XRN1: variants seen among roughly 807,000 people sequenced by gnomAD.
XRN1 encodes the protein 5'-3' exoribonuclease 1.
A neutral mutation model predicts 222.3 loss-of-function variants in XRN1; 67 were observed. The ratio of observed to expected loss-of-function variants is 0.30; its 90% CI spans 0.25 to 0.37. The LOEUF is 0.37. Ranked by LOEUF, XRN1 falls within the 10% of genes least tolerant of loss-of-function variation. The probability of loss-of-function intolerance (pLI) is 1.00; values close to 1 mark genes in which losing one functional copy is unlikely to be tolerated. For missense variants in XRN1, 1,707 were observed against 2,000.2 expected (o/e 0.85, Z 2.80); for synonymous variants, 643 against 652.4 (o/e 0.99, Z 0.22).
At position 142,375,952 on chromosome 3, in the gene XRN1, T is replaced by G; in HGVS notation, c.2832-8A>C. On this transcript the variant is annotated splice_polypyrimidine_tract_variant and splice_region_variant and intron_variant, in intron 24 of 40. Transcript: ENST00000392981. ...TTATGGTCTCCATGAGGGCTGAATT[T>G]AAACCACACATGCGCACACGTGCAC... 6.2e-7 allele frequency: 1 copy of G among 1,608,034 alleles called. No homozygotes were observed. The highest frequency in any genetic ancestry group is 1.7e-5 in the Admixed American group (1 of 59,048).
intron 36 of XRN1, among the ~76,000 whole-genome samples, chr3:142,331,749 C>T (rs1429114940): frequency 6.6e-6 from 1 of 152,078 alleles, no homozygotes; most frequent in Admixed American, 6.6e-5. Flanking sequence ...GACTGTAGAT[C>T]TATTGGTTAC....
intron 32 of XRN1, 150 bp downstream of exon 32, chr3:142,355,251 T>TA (rs1351523198): frequency 2.4e-6 from 1 of 420,288 alleles, no homozygotes. Flanking sequence ...GTTGAAATTA[T>TA]TTAAAAAAAG....
intron 39 of XRN1, among the ~76,000 whole-genome samples, chr3:142,317,900 CTT>C (rs1353344518): frequency 1.4e-5 from 2 of 144,566 alleles, no homozygotes; most frequent in African/African-American, 5.3e-5. Flanking sequence ...AACACAAACT[CTT>C]TTCAAATCTC....
intron 23 of XRN1, among the ~76,000 whole-genome samples, chr3:142,377,698 T>G (rs1390847410): frequency 1.3e-5 from 2 of 152,190 alleles, no homozygotes; most frequent in Non-Finnish European, 1.5e-5. Context: ...ATAAAATAAG[T>G]AGCTGAGAAT....
At chr3:142,380,269 A>G (rs781384225) in intron 22 of XRN1, 89 bp from the exon 23 acceptor site, 44 of 1,089,106 alleles carry the variant, frequency 4.0e-5, no homozygotes, top group Non-Finnish European at 5.2e-5. Flanking sequence ...GAAATACAGT[A>G]TGACAAGTTG....
intron 4 of XRN1, 30 bp from the exon 5 acceptor site, chr3:142,425,362 A>C: frequency 1.3e-6 from 2 of 1,587,986 alleles, no homozygotes; most frequent in South Asian, 2.3e-5. Flanking sequence ...AAAATGCAGT[A>C]ATATGGTATA....
chr3:142,389,666 T>A (rs1222051089), intron 20 of XRN1, among the ~76,000 whole-genome samples: 1 of 152,100 alleles, frequency 6.6e-6, no homozygotes, highest in Admixed American at 6.5e-5. Context: ...ATTACAGGTG[T>A]CCGCCACCAC....
At chr3:142,346,400 G>C (rs2066143936) in intron 33 of XRN1, among the ~76,000 whole-genome samples, 1 of 151,972 alleles carries the variant, frequency 6.6e-6, no homozygotes, top group Non-Finnish European at 1.5e-5. Context: ...TGTAAATGCT[G>C]TGTAAATAGT....
At chr3:142,422,278 T>C (rs528415515) in intron 8 of XRN1, among the ~76,000 whole-genome samples, 2 of 152,262 alleles carry the variant, frequency 1.3e-5, no homozygotes, top group East Asian at 3.9e-4. Flanking sequence ...AACGTTGCAC[T>C]GTCGCCACTG....
At chr3:142,415,083 G>T (rs1244756555) in intron 13 of XRN1, among the ~76,000 whole-genome samples, 2 of 152,150 alleles carry the variant, frequency 1.3e-5, no homozygotes, top group Non-Finnish European at 2.9e-5. Context: ...TTACCAGTCA[G>T]ATCTAAGAAC....
chr3:142,372,577 T>G (rs1360253738), intron 25 of XRN1, among the ~76,000 whole-genome samples: 2 of 152,212 alleles, frequency 1.3e-5, no homozygotes, highest in African/African-American at 4.8e-5. Context: ...GATTGGGCAT[T>G]GATTTGCGGC....
At chr3:142,425,108 T>G in intron 5 of XRN1, 114 bp downstream of exon 5, 1 of 679,084 alleles carries the variant, frequency 1.5e-6, no homozygotes, top group Non-Finnish European at 2.3e-6. Flanking sequence ...GTAGCAATCA[T>G]TATTGTGTCT....
At chr3:142,424,963 C>A (rs538061614) in intron 5 of XRN1, among the ~76,000 whole-genome samples, 18 of 152,222 alleles carry the variant, frequency 1.2e-4, no homozygotes, top group African/African-American at 4.1e-4. Context: ...AGCCCCATTT[C>A]TCTGACCTTG....
chr3:142,335,514 A>G lies in XRN1; in HGVS notation c.3878-5T>C. 1 of 1,611,912 alleles carries G rather than the reference A, an allele frequency of 6.2e-7. No individual in the cohort carries two copies. The highest frequency in any genetic ancestry group is 1.7e-4 in the Middle Eastern group (1 of 6,046). On this transcript the variant is annotated splice_polypyrimidine_tract_variant and splice_region_variant and intron_variant, in intron 33 of 40. Transcript: ENST00000392981. The stretch of plus-strand genomic sequence containing the variant: ...GACTCTTACACTCTTCTTTAACTAG[A>G]GACAAGAAAACAGAAATTTTCATAA...
At chr3:142,329,698 A>G in intron 36 of XRN1, 83 bp from the exon 37 acceptor site, 13 of 1,346,310 alleles carry the variant, frequency 9.7e-6, no homozygotes, top group South Asian at 3.2e-5. Flanking sequence ...TTTATAGAAG[A>G]GCAAGCAGGA....
rs376344448 is a variant in XRN1 at position 142,418,858 on chromosome 3, C to G, written c.1197G>C (p.Trp399Cys). The G allele has an allele frequency of 1.9e-6, 3 of 1,613,954 alleles. No individual in the cohort carries two copies. Among genetic ancestry groups the G allele is most frequent in the Non-Finnish European group, 2.5e-6 (3 of 1,179,934 alleles). The change falls in exon 11 of 41, where the codon TGG (tryptophan) becomes TGC (cysteine). Residue 399 changes from tryptophan to cysteine, a missense_variant. Physicochemically the swap from Trp to Cys is radical, Grantham distance 215. Around this residue, in one of 2 missense-constraint regions of XRN1, gnomAD observed 1,234 missense variants for 1,518.2 expected, o/e 0.81. Coordinates refer to ENST00000392981, the MANE Select transcript of XRN1 (RefSeq NM_001282857.2). ...KLKGQENSLCWTALDKNEGEM... is the reference protein window; with the variant it reads ...KLKGQENSLCCTALDKNEGEM... ...CGCCTTCATTTTTGTCTAAAGCAGT[C>G]CAACACAGAGAATTTTCCTGGCCCT...
At chr3:142,419,935 G>A (rs952365222) in intron 10 of XRN1, among the ~76,000 whole-genome samples, 4 of 151,988 alleles carry the variant, frequency 2.6e-5, no homozygotes, top group Admixed American at 6.6e-5. Flanking sequence ...TGCTCTGCAG[G>A]GTACTATCAT....
intron 2 of XRN1, among the ~76,000 whole-genome samples, chr3:142,431,891 T>C (rs1245175799): frequency 2.8e-5 from 1 of 35,114 alleles, no homozygotes; most frequent in Non-Finnish European, 5.1e-5. Flanking sequence ...ATATTATATA[T>C]AATATATATA....
intron 1 of XRN1, among the ~76,000 whole-genome samples, chr3:142,438,920 C>T (rs1374246426): frequency 6.6e-6 from 1 of 151,928 alleles, no homozygotes; most frequent in Non-Finnish European, 1.5e-5. Context: ...CCCCCCGACT[C>T]CTTCCCCAAC....
Sources: gnomAD v4.1 joint callset for allele counts (sites outside exome capture counted in the v4.1 genomes callset) on GRCh38, gnomAD v4.1.1 for gene constraint, gnomAD v4.1.1 regional missense constraint, MANE v1.5 for transcripts, NCBI Gene and HGNC (gene_info 2026-07-23, HGNC 2026-07-21) for gene names.